Variants in DLGAP1 observed in about 807,000 individuals in gnomAD.
DLGAP1 encodes disks large-associated protein 1.
A neutral mutation model predicts 90.8 loss-of-function variants in DLGAP1; 11 were observed. That is an observed-to-expected ratio of 0.12 (90% CI 0.08 to 0.20). The LOEUF (loss-of-function observed/expected upper bound fraction) is 0.20. DLGAP1 is among the 10% of genes least tolerant of loss of function. DLGAP1 has a pLI of 1.00. For synonymous variants in DLGAP1, 558 were observed against 540.7 expected, an observed-to-expected ratio of 1.03 and a Z score of -0.44; for missense variants, 1,050 against 1,333.8, an observed-to-expected ratio of 0.79 and a Z score of 3.31.
At chr18:3,846,099 C>A (rs1598980933) in intron 4 of DLGAP1, among the ~76,000 whole-genome samples, 1 of 145,310 alleles carries the variant, frequency 6.9e-6, no homozygotes, top group Admixed American at 6.9e-5. Context: ...CGGGATGGGG[C>A]AAAGGAACTG....
chr18:4,049,171 G>A (rs1475074163), intron 2 of DLGAP1, among the ~76,000 whole-genome samples: 1 of 150,286 alleles, frequency 6.7e-6, no homozygotes, highest in Non-Finnish European at 1.5e-5. Flanking sequence ...AAGTTGCAGT[G>A]AGCCAAGATC....
chr18:3,962,464 T>G (rs189262830), intron 3 of DLGAP1: 25 of 152,336 alleles, frequency 1.6e-4, no homozygotes, highest in Non-Finnish European at 3.1e-4. Flanking sequence ...CCCTGCAGCC[T>G]GGAACCTTTA....
chr18:3,870,896 A>T (rs1039336166), intron 4 of DLGAP1, among the ~76,000 whole-genome samples: 3 of 152,214 alleles, frequency 2.0e-5, no homozygotes, highest in African/African-American at 7.2e-5. Context: ...CCATTAAAGG[A>T]GGAACACACC....
In DLGAP1 at chr18:4,031,311, CT is replaced by C. The variant is rs1335878460; in HGVS notation, c.-158-26111del. On this transcript the variant is annotated intron_variant, in intron 2 of 12. Coordinates refer to ENST00000315677, the MANE Select transcript of DLGAP1 (RefSeq NM_004746.4). ...CTGGTTAATCAGTATCAAAAGTTGGCTTCCTATTAGATGATACAATAAAATA... is the reference window on the plus strand; with the variant it reads ...CTGGTTAATCAGTATCAAAAGTTGGCTCCTATTAGATGATACAATAAAATA... Among the ~76,000 whole-genome samples the C allele has an allele frequency of 2.6e-5, 4 of 152,102 alleles. No homozygotes were observed. In the East Asian group the frequency reaches 7.7e-4, roughly 29 times the overall value.
chr18:3,621,412 A>G (rs1409060648), intron 7 of DLGAP1, among the ~76,000 whole-genome samples: 1 of 152,194 alleles, frequency 6.6e-6, no homozygotes, highest in East Asian at 1.9e-4. Flanking sequence ...TTTAGCCTAA[A>G]GTGGCCTCCT....
At chr18:4,355,335 G>A (rs990662231) in intron 1 of DLGAP1, among the ~76,000 whole-genome samples, 1 of 152,200 alleles carries the variant, frequency 6.6e-6, no homozygotes, top group Non-Finnish European at 1.5e-5. Context: ...TATACTGTGT[G>A]TTAAAAGTCA....
chr18:3,849,693 G>T (rs1192138785), intron 4 of DLGAP1, among the ~76,000 whole-genome samples: 4 of 152,198 alleles, frequency 2.6e-5, no homozygotes, highest in Non-Finnish European at 4.4e-5. Context: ...ACATTCATTT[G>T]TGTGATTGAT....
intron 3 of DLGAP1, among the ~76,000 whole-genome samples, chr18:3,942,820 C>T (rs1343550320): frequency 6.6e-6 from 1 of 152,110 alleles, no homozygotes; most frequent in East Asian, 1.9e-4. Context: ...TTGTTTTGTT[C>T]AAACTATGAA....
At chr18:3,823,805 C>T (rs919789259) in intron 4 of DLGAP1, among the ~76,000 whole-genome samples, 7 of 151,818 alleles carry the variant, frequency 4.6e-5, no homozygotes, top group African/African-American at 1.7e-4. Context: ...GAAAAATTAG[C>T]CAGGCTTGGT....
At chr18:3,656,114 C>T in intron 7 of DLGAP1, 1 of 1,545,664 alleles carries the variant, frequency 6.5e-7, no homozygotes, top group Non-Finnish European at 8.7e-7. Flanking sequence ...TTTATGACAC[C>T]TTGAATAAAA....
intron 1 of DLGAP1, among the ~76,000 whole-genome samples, chr18:4,374,934 T>C (rs539551805): frequency 6.6e-6 from 1 of 152,248 alleles, no homozygotes; most frequent in African/African-American, 2.4e-5. Flanking sequence ...TGGACAAATT[T>C]TAACTATATT....
chr18:4,279,965 C>T (rs539035882), intron 1 of DLGAP1, among the ~76,000 whole-genome samples: 1 of 152,056 alleles, frequency 6.6e-6, no homozygotes, highest in Non-Finnish European at 1.5e-5. Flanking sequence ...TCATAGTGTA[C>T]CCAATTTATT....
At chr18:3,744,992 A>C (rs1291459617) in intron 5 of DLGAP1, among the ~76,000 whole-genome samples, 1 of 152,224 alleles carries the variant, frequency 6.6e-6, no homozygotes, top group Non-Finnish European at 1.5e-5. Context: ...GAACTATTTG[A>C]CTAAAAAAAG....
chr18:3,798,272 G>A (rs1368233879), intron 5 of DLGAP1, among the ~76,000 whole-genome samples: 1 of 152,178 alleles, frequency 6.6e-6, no homozygotes, highest in African/African-American at 2.4e-5. Flanking sequence ...AGTGAGAGAC[G>A]AATAAAGGAC....
At chr18:4,285,294 C>A (rs2079659648) in intron 1 of DLGAP1, among the ~76,000 whole-genome samples, 1 of 151,800 alleles carries the variant, frequency 6.6e-6, no homozygotes, top group African/African-American at 2.4e-5. Flanking sequence ...ACTCTCATGC[C>A]CAGAGATATC....
In DLGAP1 at chr18:4,031,988, T is replaced by C. The variant is rs188567120; in HGVS notation, c.-158-26787A>G. On this transcript the variant is annotated intron_variant, in intron 2 of 12. Transcript: ENST00000315677. ...CACACAGATAAACAAGGTAGCATTA[T>C]GAGTAACAAGCAAAATTATCCCTTT... is the stretch of plus-strand genomic sequence containing the variant. Among the ~76,000 whole-genome samples, 31 of 152,344 alleles carry C rather than the reference T, an allele frequency of 2.0e-4. 1 individual carries two copies. Among genetic ancestry groups the C allele is most frequent in the East Asian group, 1.9e-3 (10 of 5,180 alleles).
intron 4 of DLGAP1, chr18:3,874,290 T>C: frequency 1.3e-6 from 2 of 1,547,964 alleles, no homozygotes; most frequent in Non-Finnish European, 1.7e-6. Flanking sequence ...TTGCTCTCTC[T>C]CTCGCTCCCT....
chr18:3,690,167 GACTCGA>G (rs947616915), intron 7 of DLGAP1, among the ~76,000 whole-genome samples: 1 of 148,914 alleles, frequency 6.7e-6, no homozygotes, highest in Non-Finnish European at 1.5e-5. Context: ...GCTCACTGCG[GACTCGA>G]ACTCCTGGGC....
intron 7 of DLGAP1, among the ~76,000 whole-genome samples, chr18:3,724,955 T>C (rs983009443): frequency 6.6e-6 from 1 of 151,576 alleles, no homozygotes; most frequent in Non-Finnish European, 1.5e-5. Context: ...AGAATATATA[T>C]CATGATAGCT....
Sources: allele counts gnomAD v4.1 joint callset (sites outside exome capture counted in the v4.1 genomes callset), GRCh38; gene constraint gnomAD v4.1.1; transcripts MANE v1.5; gene names NCBI Gene and HGNC (gene_info 2026-07-23, HGNC 2026-07-21).